ALS2: variants seen among roughly 807,000 people sequenced by gnomAD.
ALS2 encodes the protein alsin Rho guanine nucleotide exchange factor ALS2.
In ALS2, 117 loss-of-function variants were observed where a neutral mutation model predicts 203.4. The ratio of observed to expected loss-of-function variants is 0.58; its 90% CI spans 0.50 to 0.67. ALS2 has a LOEUF of 0.67. Among genes scored for constraint, ALS2 ranks in the 30% least tolerant of loss-of-function variants. The probability of loss-of-function intolerance (pLI) is 0.00; values close to 1 mark genes in which losing one functional copy is unlikely to be tolerated. For missense variants in ALS2, 1,715 were observed against 1,989.4 expected, an observed-to-expected ratio of 0.86 and a Z score of 2.62; for synonymous variants, 718 against 725.9, an observed-to-expected ratio of 0.99 and a Z score of 0.17.
chr2:201,751,508 T>A (rs1165104335), intron 7 of ALS2, among the ~76,000 whole-genome samples: 1 of 152,212 alleles, frequency 6.6e-6, no homozygotes, highest in Admixed American at 6.5e-5. Context: ...AAAATATAAA[T>A]ATCCTTTTGA....
At chr2:201,717,894 C>A (rs938236418) in intron 24 of ALS2, among the ~76,000 whole-genome samples, 183 bp downstream of exon 24, 4 of 152,014 alleles carry the variant, frequency 2.6e-5, no homozygotes, top group African/African-American at 9.7e-5. Flanking sequence ...GAGCCATGAT[C>A]ATGCCACTGC....
intron 23 of ALS2, among the ~76,000 whole-genome samples, chr2:201,720,732 C>A (rs76234772): frequency 5.6e-4 from 75 of 134,354 alleles, no homozygotes; most frequent in African/African-American, 2.0e-3. Flanking sequence ...CACACACACA[C>A]ACACAAACAC....
chr2:201,752,945 T>C (rs1464494695), intron 7 of ALS2, among the ~76,000 whole-genome samples: 1 of 152,220 alleles, frequency 6.6e-6, no homozygotes, highest in Non-Finnish European at 1.5e-5. Context: ...TGTGTGACTT[T>C]AGACAAGTTA....
chr2:201,757,820 A>C (rs7597934), intron 4 of ALS2, 61 bp from the exon 5 acceptor site: 68 of 1,312,426 alleles, frequency 5.2e-5, no homozygotes, highest in Non-Finnish European at 7.1e-5. Context: ...ACAAGCAATC[A>C]ATAAAAAGAA....
chr2:201,744,540 GA>G (rs1692499313), intron 9 of ALS2, 111 bp from the exon 10 acceptor site: 1 of 1,175,248 alleles, frequency 8.5e-7, no homozygotes, highest in Non-Finnish European at 1.2e-6. Flanking sequence ...TAAATATTCA[GA>G]AAATTTGCAA....
In ALS2 at chr2:201,711,758, G is replaced by A. The variant is rs536595685; in HGVS notation, c.4005-650C>T. On this transcript the variant is annotated intron_variant, in intron 25 of 33. Transcript: ENST00000264276. ...CAACCAATGAGAAACTGAAAACTGT[G>A]CATAATCATTATTATTAGAGATTTT... Among the ~76,000 whole-genome samples the A allele has an allele frequency of 7.2e-5, 11 of 152,266 alleles. No homozygotes were observed. In the South Asian group the frequency reaches 2.3e-3, roughly 32 times the overall value.
intron 23 of ALS2, chr2:201,720,039 A>G: frequency 2.8e-6 from 1 of 362,294 alleles, no homozygotes; most frequent in Non-Finnish European, 5.3e-6. Flanking sequence ...CAAACATTCA[A>G]AGAAGAAATA....
chr2:201,718,667 C>A (rs1440758073), intron 23 of ALS2, among the ~76,000 whole-genome samples: 1 of 151,706 alleles, frequency 6.6e-6, no homozygotes, highest in Admixed American at 6.6e-5. Flanking sequence ...AATATGGGCA[C>A]ATGCATGTCT....
At chr2:201,729,965 G>C (rs192531671) in intron 13 of ALS2, among the ~76,000 whole-genome samples, 12 of 151,264 alleles carry the variant, frequency 7.9e-5, no homozygotes, top group African/African-American at 2.9e-4. Context: ...TTATTATCTG[G>C]CTTTAAAAAT....
At chr2:201,725,494 T>C in intron 19 of ALS2, 40 bp from the exon 20 acceptor site, 1 of 1,486,234 alleles carries the variant, frequency 6.7e-7, no homozygotes, top group Middle Eastern at 1.7e-4. Flanking sequence ...AAGATGCATT[T>C]ATGACATATT....
Position 201,710,009 on chromosome 2 carries a change from G to C in ALS2, c.4152C>G (p.Gly1384=), listed in dbSNP as rs769536422. 6.2e-7 allele frequency: 1 copy of C among 1,613,936 alleles called. No homozygotes were observed. The highest frequency in any genetic ancestry group is 8.5e-7 in the Non-Finnish European group (1 of 1,179,850). The stretch of plus-strand genomic sequence containing the variant: ...CTGCAACCAGTGTCTCCACAAGCCT[G>C]CCCAGGGGGTGCAGAGGAGTGTCAC... ...KACDTPLHPL[G]RLVETLVAVY... The change falls in exon 27 of 34, where the codon GGC becomes GGG. Residue 1384 remains glycine (G), a synonymous_variant. Coordinates refer to ENST00000264276, the MANE Select transcript of ALS2 (RefSeq NM_020919.4).
intron 2 of ALS2, 131 bp from the exon 3 acceptor site, chr2:201,767,514 A>G: frequency 3.0e-6 from 3 of 1,006,366 alleles, no homozygotes; most frequent in Admixed American, 2.1e-5. Flanking sequence ...ATTAGCACCT[A>G]TTTTATGCTT....
chr2:201,766,623 T>C (rs1203361653), intron 3 of ALS2, among the ~76,000 whole-genome samples: 2 of 150,950 alleles, frequency 1.3e-5, no homozygotes, highest in Admixed American at 6.7e-5. Context: ...CATTCCAGCC[T>C]GGGCGACAAG....
intron 7 of ALS2, 125 bp from the exon 8 acceptor site, chr2:201,749,914 T>C: frequency 1.3e-6 from 1 of 763,510 alleles, no homozygotes; most frequent in South Asian, 1.5e-5. Flanking sequence ...GTACTTATAT[T>C]AGTCTTTCAC....
In ALS2 at chr2:201,726,802, G is replaced by A. The variant is rs1432650246; in HGVS notation, c.3044C>T (p.Pro1015Leu). 6.2e-7 allele frequency: 1 copy of A among 1,614,094 alleles called. No individual in the cohort carries two copies. Among genetic ancestry groups the A allele is most frequent in the Admixed American group, 1.7e-5 (1 of 60,004 alleles). Reference protein sequence around the residue: ...DQALRGMSDLPPYGSGSSVQR... With the variant: ...DQALRGMSDLLPYGSGSSVQR... ...AACACTGCTACCACTTCCATAAGGG[G>A]GGAGATCAGACATCCCTCTCAAAGC... Residue 1015 changes from proline (P) to leucine (L), a missense_variant, in exon 18 of 34, where the codon CCC (proline) becomes CTC (leucine). By Grantham distance (98) the Pro-to-Leu change is moderately conservative. This residue lies in a region of ALS2 where 1,227 missense variants were observed against 1,413.5 expected (regional missense o/e 0.87). Transcript: ENST00000264276.
intron 1 of ALS2, among the ~76,000 whole-genome samples, chr2:201,778,684 G>C (rs919191161): frequency 6.6e-6 from 1 of 152,058 alleles, no homozygotes; most frequent in African/African-American, 2.4e-5. Flanking sequence ...ATCAATGAAG[G>C]GTTAAGAGAA....
At chr2:201,778,035 T>C (rs1341537493) in intron 1 of ALS2, among the ~76,000 whole-genome samples, 1 of 152,126 alleles carries the variant, frequency 6.6e-6, no homozygotes, top group Admixed American at 6.5e-5. Flanking sequence ...GCTTAGCCAA[T>C]TGCCCCAAGT....
intron 32 of ALS2, 21 bp downstream of exon 32, chr2:201,704,433 A>G: frequency 6.2e-7 from 1 of 1,613,964 alleles, no homozygotes; most frequent in South Asian, 1.1e-5. Context: ...CTCACTAATA[A>G]CAAAGTCATA....
intron 4 of ALS2, chr2:201,760,592 G>C (rs1559082371): frequency 8.3e-7 from 1 of 1,203,310 alleles, no homozygotes; most frequent in Non-Finnish European, 1.0e-6. Flanking sequence ...CAGTACTTTA[G>C]CCATAGAAAA....
Sources: gnomAD v4.1 joint callset for allele counts (sites outside exome capture counted in the v4.1 genomes callset) on GRCh38, gnomAD v4.1.1 for gene constraint, gnomAD v4.1.1 regional missense constraint, MANE v1.5 for transcripts, NCBI Gene and HGNC (gene_info 2026-07-23, HGNC 2026-07-21) for gene names.